The following MSRA variants were observed in gnomAD, a reference collection of about 807,000 sequenced individuals.
MSRA encodes methionine sulfoxide reductase A.
Under a neutral mutation model 31.3 loss-of-function variants are expected in MSRA, and 54 were observed. The ratio of observed to expected loss-of-function variants is 1.73; its 90% CI spans 1.39 to 2.17. The LOEUF (loss-of-function observed/expected upper bound fraction) is 2.17. Among genes scored for constraint, MSRA ranks in the 30% most tolerant of loss-of-function variants. The probability of loss-of-function intolerance (pLI) is 0.00; values close to 1 mark genes in which losing one functional copy is unlikely to be tolerated. For synonymous variants in MSRA, 169 were observed against 116.5 expected (o/e 1.45, Z -2.90); for missense variants, 507 against 300.9 (o/e 1.69, Z -5.07).
intron 3 of MSRA, among the ~76,000 whole-genome samples, chr8:10,292,042 G>A (rs973699088): frequency 1.3e-5 from 2 of 152,162 alleles, no homozygotes; most frequent in Non-Finnish European, 2.9e-5. Flanking sequence ...ATAAAATGGT[G>A]CTGGCCCATA....
intron 1 of MSRA, among the ~76,000 whole-genome samples, chr8:10,200,905 G>C (rs570334517): frequency 2.2e-4 from 33 of 152,264 alleles, no homozygotes; most frequent in African/African-American, 7.2e-4. Context: ...GAGAGGACCT[G>C]GGCAGGATCA....
intron 1 of MSRA, among the ~76,000 whole-genome samples, chr8:10,107,898 C>T (rs1014773680): frequency 6.6e-6 from 1 of 152,176 alleles, no homozygotes; most frequent in Non-Finnish European, 1.5e-5. Flanking sequence ...CCAGAGAGAG[C>T]ATCCCTAATC....
At chr8:10,279,052 T>C (rs753000231) in intron 3 of MSRA, among the ~76,000 whole-genome samples, 1 of 152,206 alleles carries the variant, frequency 6.6e-6, no homozygotes, top group Non-Finnish European at 1.5e-5. Flanking sequence ...GGTCATTGAT[T>C]ATCTGGGCAT....
At chr8:10,277,074 C>T (rs1050121201) in intron 3 of MSRA, among the ~76,000 whole-genome samples, 5 of 151,958 alleles carry the variant, frequency 3.3e-5, no homozygotes, top group African/African-American at 7.3e-5. Context: ...TACTTGAGAC[C>T]TAGATTTTAA....
chr8:10,353,744 C>T (rs182569128), intron 5 of MSRA: 96 of 426,432 alleles, frequency 2.3e-4, no homozygotes, highest in African/African-American at 1.6e-3. Flanking sequence ...CCTGAGATAC[C>T]CAGCAGAGGA....
At chr8:10,158,284 C>T (rs1804338582) in intron 1 of MSRA, among the ~76,000 whole-genome samples, 1 of 152,218 alleles carries the variant, frequency 6.6e-6, no homozygotes, top group Admixed American at 6.5e-5. Flanking sequence ...GAACTGCAGT[C>T]AGACAGTTGT....
intron 5 of MSRA, among the ~76,000 whole-genome samples, chr8:10,343,720 A>T (rs1409199764): frequency 6.6e-6 from 1 of 152,210 alleles, no homozygotes; most frequent in Non-Finnish European, 1.5e-5. Context: ...TCTGCTGAAA[A>T]AATTTTAATA....
intron 4 of MSRA, among the ~76,000 whole-genome samples, chr8:10,318,092 A>G (rs1801830968): frequency 6.6e-6 from 1 of 152,192 alleles, no homozygotes; most frequent in South Asian, 2.1e-4. Flanking sequence ...TACATCCAGA[A>G]GCACTTTGTT....
intron 3 of MSRA, among the ~76,000 whole-genome samples, chr8:10,293,297 G>A (rs553584813): frequency 1.3e-5 from 2 of 152,286 alleles, no homozygotes; most frequent in East Asian, 3.9e-4. Context: ...AAGCTCATGA[G>A]CCACTTTGTG....
chr8:10,176,272 T>G (rs1444622572), intron 1 of MSRA, among the ~76,000 whole-genome samples: 1 of 152,162 alleles, frequency 6.6e-6, no homozygotes, highest in East Asian at 1.9e-4. Context: ...TCTGTCCTTT[T>G]TAAAATCAGA....
chr8:10,112,776 G>A (rs566899747), intron 1 of MSRA, among the ~76,000 whole-genome samples: 2 of 150,366 alleles, frequency 1.3e-5, no homozygotes, highest in Admixed American at 6.6e-5. Flanking sequence ...CAGGGGTGGG[G>A]TTGGAGAAGT....
chr8:10,372,531 C>G, intron 5 of MSRA, among the ~76,000 whole-genome samples: 1 of 152,200 alleles, frequency 6.6e-6, no homozygotes, highest in East Asian at 1.9e-4. Flanking sequence ...GAGAGTCTCA[C>G]TTTTACAACC....
At chr8:10,266,278 C>G (rs945761175) in intron 3 of MSRA, among the ~76,000 whole-genome samples, 4 of 152,168 alleles carry the variant, frequency 2.6e-5, no homozygotes, top group East Asian at 1.9e-4. Context: ...CTTTTTACTT[C>G]TAGTGATTGT....
At chr8:10,295,709 G>T (rs766306306) in intron 3 of MSRA, among the ~76,000 whole-genome samples, 1 of 152,168 alleles carries the variant, frequency 6.6e-6, no homozygotes, top group African/African-American at 2.4e-5. Context: ...GTGGTCACTT[G>T]GCACCCCCTG....
chr8:10,214,166 C>T (rs1442176849), intron 2 of MSRA, among the ~76,000 whole-genome samples: 9 of 152,126 alleles, frequency 5.9e-5, no homozygotes, highest in Non-Finnish European at 8.8e-5. Context: ...TTTTGTCGCA[C>T]GGCACATCTC....
chr8:10,125,157 A>G lies in MSRA; in HGVS notation c.142+70499A>G, dbSNP rs117733263. On this transcript the variant is annotated intron_variant, in intron 1 of 5. Transcript: ENST00000317173. ...TCCAGTAATTGTGCTTGAACATTGTAATGGGTGTGACGGCTGCCAGGTGCC... is the reference window on the plus strand; with the variant it reads ...TCCAGTAATTGTGCTTGAACATTGTGATGGGTGTGACGGCTGCCAGGTGCC... Among the ~76,000 whole-genome samples the G allele has an allele frequency of 2.6e-3, 397 of 152,292 alleles. 2 individuals are homozygous for G. Among genetic ancestry groups the G allele is most frequent in the Non-Finnish European group, 4.2e-3 (289 of 68,030 alleles).
intron 5 of MSRA, chr8:10,336,954 G>T (rs575180518): frequency 6.6e-6 from 1 of 152,314 alleles, no homozygotes; most frequent in Admixed American, 6.5e-5. Flanking sequence ...TGGTAGCAGG[G>T]CTGAGTCCTA....
chr8:10,393,010 C>G (rs1466505832), intron 5 of MSRA, among the ~76,000 whole-genome samples: 5 of 138,392 alleles, frequency 3.6e-5, no homozygotes, highest in African/African-American at 1.4e-4. Context: ...TGCAGTGAGC[C>G]GAGATAGCGC....
intron 3 of MSRA, among the ~76,000 whole-genome samples, chr8:10,286,186 A>G (rs1481431433): frequency 6.6e-6 from 1 of 152,054 alleles, no homozygotes. Context: ...AAGCACTCTT[A>G]CCTCTACCTG....
Sources: gnomAD v4.1 joint callset for allele counts (sites outside exome capture counted in the v4.1 genomes callset) on GRCh38, gnomAD v4.1.1 for gene constraint, MANE v1.5 for transcripts, NCBI Gene and HGNC (gene_info 2026-07-23, HGNC 2026-07-21) for gene names.